The following CFAP91 variants were observed in gnomAD, a reference collection of about 807,000 sequenced individuals.
The protein encoded by CFAP91 is cilia- and flagella-associated protein 91.
Under a neutral mutation model 95.9 loss-of-function variants are expected in CFAP91, and 85 were observed. The ratio of observed to expected loss-of-function variants is 0.89; its 90% confidence interval spans 0.74 to 1.06. CFAP91 has a LOEUF of 1.06. Among genes scored for constraint, CFAP91 ranks in the 50% least tolerant of loss-of-function variants. The pLI is 0.00. For missense variants in CFAP91, 962 were observed against 943.4 expected (o/e 1.02, Z -0.26); for synonymous variants, 335 against 327.5 (o/e 1.02, Z -0.25).
At chr3:119,711,663 C>T (rs2053475748) in intron 5 of CFAP91, among the ~76,000 whole-genome samples, 1 of 152,054 alleles carries the variant, frequency 6.6e-6, no homozygotes, top group South Asian at 2.1e-4. Flanking sequence ...TCTGGAATTC[C>T]AGTATGTTTG....
At chr3:119,717,917 T>G (rs1291507072) in intron 6 of CFAP91, among the ~76,000 whole-genome samples, 1 of 151,836 alleles carries the variant, frequency 6.6e-6, no homozygotes, top group Non-Finnish European at 1.5e-5. Flanking sequence ...TGTAGAAGGA[T>G]TTCCAGGACC....
At chr3:119,760,318 G>A (rs115038380) in intron 17 of CFAP91, among the ~76,000 whole-genome samples, 4 of 151,708 alleles carry the variant, frequency 2.6e-5, no homozygotes, top group African/African-American at 9.7e-5. Context: ...TAAAGGGGTC[G>A]ATTCATCAAG....
At chr3:119,759,136 G>T (rs1322080737) in intron 17 of CFAP91, among the ~76,000 whole-genome samples, 1 of 151,860 alleles carries the variant, frequency 6.6e-6, no homozygotes, top group African/African-American at 2.4e-5. Flanking sequence ...TTACAATAAA[G>T]TAGAACTAAA....
intron 5 of CFAP91, among the ~76,000 whole-genome samples, chr3:119,714,424 A>G (rs1433530803): frequency 1.3e-5 from 2 of 152,026 alleles, no homozygotes; most frequent in African/African-American, 2.4e-5. Flanking sequence ...TAACTTGTCA[A>G]TTTGGTGTAC....
chr3:119,715,494 A>G (rs1031262951), intron 5 of CFAP91, 68 bp from the exon 6 acceptor site: 48 of 1,288,974 alleles, frequency 3.7e-5, no homozygotes, highest in Admixed American at 5.2e-5. Flanking sequence ...ATTTGTTTCT[A>G]CTTGATTATA....
chr3:119,739,648 A>G (rs2054079895), intron 12 of CFAP91, among the ~76,000 whole-genome samples: 1 of 152,242 alleles, frequency 6.6e-6, no homozygotes, highest in African/African-American at 2.4e-5. Context: ...AATTTTGGCT[A>G]TTTAAGCATT....
chr3:119,756,626 A>G (rs2054435559), intron 17 of CFAP91, among the ~76,000 whole-genome samples: 1 of 152,194 alleles, frequency 6.6e-6, no homozygotes, highest in African/African-American at 2.4e-5. Context: ...GGCTAAATGG[A>G]TTAAATTTTT....
At chr3:119,736,056 G>A (rs901130850) in intron 10 of CFAP91, among the ~76,000 whole-genome samples, 15 of 151,382 alleles carry the variant, frequency 9.9e-5, no homozygotes, top group Non-Finnish European at 2.1e-4. Flanking sequence ...TGGGGAGCGG[G>A]GGGAATGTAA....
chr3:119,734,171 G>A (rs1354853095), intron 10 of CFAP91, among the ~76,000 whole-genome samples: 4 of 152,072 alleles, frequency 2.6e-5, no homozygotes, highest in African/African-American at 2.4e-5. Context: ...TAAGTTTCCC[G>A]GTGATGCTGC....
rs777354643 is a variant in CFAP91 at position 119,737,431 on chromosome 3, C to A, written c.1410C>A (p.Asn470Lys). 10 of 1,611,438 alleles carry A rather than the reference C, an allele frequency of 6.2e-6. No homozygotes were observed. The highest frequency in any genetic ancestry group is 8.5e-6 in the Non-Finnish European group (10 of 1,178,990). The change falls in exon 11 of 18, where the codon AAC (asparagine) becomes AAA (lysine). Residue 470 changes from asparagine (N) to lysine (K), a missense_variant. By Grantham distance (94) the Asn-to-Lys change is moderately conservative. Coordinates refer to ENST00000273390, the MANE Select transcript of CFAP91 (RefSeq NM_033364.4). ...VKKPPRFLQR[N>K]PIPQPRLPTP... ...AACCCCCTCGCTTCCTTCAAAGAAACCCAATACCTCAACCTCGGCTTCCAA... is the reference window on the plus strand; with the variant it reads ...AACCCCCTCGCTTCCTTCAAAGAAAACCAATACCTCAACCTCGGCTTCCAA...
At chr3:119,728,139 G>A (rs1273695589) in intron 7 of CFAP91, among the ~76,000 whole-genome samples, 2 of 152,092 alleles carry the variant, frequency 1.3e-5, no homozygotes, top group East Asian at 1.9e-4. Context: ...TGATGATGAC[G>A]AGTGGACTAT....
In CFAP91 at chr3:119,708,497, G is replaced by A. The variant is rs1041330394; in HGVS notation, c.360-94G>A. The A allele has an allele frequency of 1.4e-5, 11 of 799,410 alleles. No individual in the cohort carries two copies. In the African/African-American group the frequency reaches 1.4e-4, roughly 10 times the overall value. The allele number at this position is 799,410 out of a possible 1,614,324, so 49.5% of individuals were successfully genotyped here. On this transcript the variant is annotated intron_variant, in intron 3 of 17. Transcript: ENST00000273390. ...CTTTACTCTCAGTATGAGATACTCTGTGTAGGTCCTACTCTATACACATAG... is the reference window on the plus strand; with the variant it reads ...CTTTACTCTCAGTATGAGATACTCTATGTAGGTCCTACTCTATACACATAG...
chr3:119,764,368 A>G (rs2054593076), intron 17 of CFAP91, among the ~76,000 whole-genome samples: 1 of 152,152 alleles, frequency 6.6e-6, no homozygotes, highest in South Asian at 2.1e-4. Flanking sequence ...AGGCTAACAT[A>G]CTGTTATATA....
At chr3:119,759,731 C>T (rs1354644478) in intron 17 of CFAP91, among the ~76,000 whole-genome samples, 1 of 151,884 alleles carries the variant, frequency 6.6e-6, no homozygotes, top group African/African-American at 2.4e-5. Flanking sequence ...AAATTGAAAA[C>T]ACACGTGTTG....
intron 6 of CFAP91, among the ~76,000 whole-genome samples, chr3:119,718,676 G>GA (rs992051080): frequency 2.1e-4 from 32 of 150,740 alleles, no homozygotes; most frequent in African/African-American, 6.1e-4. Context: ...TACCTACAAA[G>GA]AAAAAAAAAG....
In CFAP91 at chr3:119,703,222, G is replaced by T; in HGVS notation, c.124G>T (p.Asp42Tyr). The T allele has an allele frequency of 6.2e-7, 1 of 1,611,692 alleles. No homozygotes were observed. Among genetic ancestry groups the T allele is most frequent in the Non-Finnish European group, 8.5e-7 (1 of 1,179,046 alleles). ...SSNRAYDFLY[D>Y]PLFIVSSEKD... ...CAATCGAGCGTATGATTTTCTGTAC[G>T]GTAAGGACCGCCGCAGACCTTCCTC... Residue 42 changes from aspartate (D) to tyrosine (Y), a missense_variant and splice_region_variant, in exon 1 of 18, where the codon GAT (aspartate) becomes TAT (tyrosine). Asp to Tyr is a radical substitution (Grantham distance 160). Transcript: ENST00000273390.
intron 7 of CFAP91, among the ~76,000 whole-genome samples, chr3:119,726,588 A>G (rs1221580248): frequency 6.6e-6 from 1 of 152,170 alleles, no homozygotes; most frequent in Non-Finnish European, 1.5e-5. Context: ...GTGTGTTTGA[A>G]GAAGCTCAGC....
chr3:119,733,303 A>G (rs980540464), intron 9 of CFAP91, 61 bp from the exon 10 acceptor site: 17 of 1,563,786 alleles, frequency 1.1e-5, no homozygotes, highest in Non-Finnish European at 1.4e-5. Flanking sequence ...AGTTAACAAT[A>G]TACCTTAAAA....
intron 2 of CFAP91, chr3:119,707,174 A>G (rs2053381179): frequency 1.9e-6 from 1 of 533,084 alleles, no homozygotes; most frequent in African/African-American, 1.9e-5. Context: ...AAGCATATAC[A>G]GTGTGAAGTA....
Sources: gnomAD v4.1 joint callset for allele counts (sites outside exome capture counted in the v4.1 genomes callset) on GRCh38, gnomAD v4.1.1 for gene constraint, MANE v1.5 for transcripts, NCBI Gene and HGNC (gene_info 2026-07-23, HGNC 2026-07-21) for gene names.